Variants in ZFP41 observed in about 807,000 individuals in gnomAD.
ZFP41 encodes the protein zinc finger protein 41 homolog.
A neutral mutation model predicts 11.6 loss-of-function variants in ZFP41; 10 were observed. That is an observed-to-expected ratio of 0.86 (90% confidence interval 0.53 to 1.47). The LOEUF (loss-of-function observed/expected upper bound fraction) is 1.47. ZFP41 is among the 40% of genes most tolerant of loss of function. The probability of loss-of-function intolerance (pLI) is 0.00; values close to 1 mark genes in which losing one functional copy is unlikely to be tolerated. For synonymous variants in ZFP41, 123 were observed against 100.9 expected, an observed-to-expected ratio of 1.22 and a Z score of -1.31; for missense variants, 302 against 264.6, an observed-to-expected ratio of 1.14 and a Z score of -0.98.
intron 2 of ZFP41, chr8:143,252,714 G>A (rs1693613571): frequency 9.5e-6 from 8 of 843,508 alleles, no homozygotes; most frequent in South Asian, 1.1e-4. Flanking sequence ...ACTATTGGGC[G>A]TGTGCTGGGG....
At chr8:143,249,109 G>A (rs535186522) in intron 1 of ZFP41, 6 of 152,358 alleles carry the variant, frequency 3.9e-5, no homozygotes, top group African/African-American at 1.4e-4. Context: ...CAAAGGGTAC[G>A]GAATATTATT....
intron 2 of ZFP41, chr8:143,252,770 T>G: frequency 6.2e-6 from 2 of 323,004 alleles, no homozygotes; most frequent in Non-Finnish European, 8.9e-6. Context: ...GTCAGCCCAC[T>G]GCCGTCAGCA....
At chr8:143,252,584 T>G in intron 2 of ZFP41, 1 of 972,806 alleles carries the variant, frequency 1.0e-6, no homozygotes, top group African/African-American at 1.8e-5. Flanking sequence ...TCCTGCCGCC[T>G]CAGTCGCTGC....
At chr8:143,249,579 G>A (rs1306502707) in intron 1 of ZFP41, 111 bp from the exon 2 acceptor site, 7 of 405,896 alleles carry the variant, frequency 1.7e-5, no homozygotes, top group East Asian at 8.2e-5. Flanking sequence ...CAGCAATGCC[G>A]TTTGAGACAC....
At position 143,250,611 on chromosome 8, in the gene ZFP41, A is replaced by G. The variant is rs1428393214; in HGVS notation, c.*171A>G. 9.4e-7 allele frequency: 1 copy of G among 1,069,026 alleles called. No homozygotes were observed. Among genetic ancestry groups the G allele is most frequent in the East Asian group, 2.6e-5 (1 of 38,398 alleles). The allele number at this position is 1,069,026 out of a possible 1,614,324, so 66.2% of individuals were successfully genotyped here. On this transcript the variant is annotated 3_prime_UTR_variant, in exon 2 of 3. Transcript: ENST00000330701. ...AGTCAGATGTGGGAACGTGCCAGCG[A>G]GGGAGAGACCTTTCCACTGCAGAGA...
chr8:143,249,863 G>GAAAA lies in ZFP41; in HGVS notation c.23_26dup (p.Thr11GlufsTer29). The GAAAA allele has an allele frequency of 6.3e-7, 1 of 1,598,274 alleles. No homozygotes were observed. The highest frequency in any genetic ancestry group is 1.4e-5 in the African/African-American group (1 of 73,538). On this transcript the variant is annotated frameshift_variant, in exon 2 of 3. Coordinates refer to ENST00000330701, the MANE Select transcript of ZFP41 (RefSeq NM_173832.6). LOFTEE classifies it high-confidence loss of function. ...AGAATGATGGAGAAGCCTGCAGGCAGAAAAAAGAAGACGCCGACCCCAAGG... is the reference window on the plus strand; with the variant it reads ...AGAATGATGGAGAAGCCTGCAGGCAGAAAAAAAAAAGAAGACGCCGACCCCAAGG...
rs1419140158 is a variant in ZFP41 at position 143,260,489 on chromosome 8, G to C, written c.*1615G>C. Reference sequence around the variant, plus strand: ...CAGAAGTGTACTGGGGGAGACGTGAGGACCTTTCAGCCAAGTGTCAGCGTT... The same window carrying C: ...CAGAAGTGTACTGGGGGAGACGTGACGACCTTTCAGCCAAGTGTCAGCGTT... On this transcript the variant is annotated 3_prime_UTR_variant, in exon 3 of 3. Transcript: ENST00000330701. 6.2e-6 allele frequency: 1 copy of C among 160,696 alleles called. No individual in the cohort carries two copies. Among genetic ancestry groups the C allele is most frequent in the East Asian group, 1.9e-4 (1 of 5,238 alleles). The allele number at this position is 160,696 out of a possible 1,614,324, so 10.0% of individuals were successfully genotyped here.
In ZFP41 at chr8:143,260,645, C is replaced by A. The variant is rs1035237503; in HGVS notation, c.*1771C>A. ...TGACCAGCAGACACCATCCTTCCAG[C>A]CTCTCTTGGCCACCCGGACCAGCGG... On this transcript the variant is annotated 3_prime_UTR_variant, in exon 3 of 3. Coordinates refer to ENST00000330701, the MANE Select transcript of ZFP41 (RefSeq NM_173832.6). 11 of 186,882 alleles carry A rather than the reference C, an allele frequency of 5.9e-5. No homozygotes were observed. Among genetic ancestry groups the A allele is most frequent in the Admixed American group, 2.6e-4 (4 of 15,522 alleles). The allele number at this position is 186,882 out of a possible 1,614,324, so 11.6% of individuals were successfully genotyped here. A position where few individuals can be genotyped will look rare whatever the true frequency, so the allele number is the denominator to read the frequency against.
intron 2 of ZFP41, 43 bp from the exon 3 acceptor site, chr8:143,259,732 C>T (rs924801165): frequency 9.2e-5 from 14 of 152,250 alleles, no homozygotes; most frequent in African/African-American, 3.4e-4. Context: ...GGGTAATCAC[C>T]GCACTTCTCA....
intron 2 of ZFP41, chr8:143,252,678 C>G: frequency 1.0e-6 from 1 of 975,692 alleles, no homozygotes; most frequent in Non-Finnish European, 1.2e-6. Context: ...TGTCGTGTAC[C>G]TGCCTCTGTG....
rs573453594 is a variant in ZFP41, at chr8:143,260,586, G to T, written c.*1712G>T. On this transcript the variant is annotated 3_prime_UTR_variant, in exon 3 of 3. Coordinates refer to ENST00000330701, the MANE Select transcript of ZFP41 (RefSeq NM_173832.6). ...AGCATGGCGCACCCACACCAGCCCC[G>T]GGCTCCGCCTGGACAGCACCTCCTG... 5.8e-6 allele frequency: 1 copy of T among 170,976 alleles called. No individual in the cohort carries two copies. Among genetic ancestry groups the T allele is most frequent in the East Asian group, 1.9e-4 (1 of 5,284 alleles). 10.6% of individuals were successfully genotyped at this position (170,976 alleles called of 1,614,324 possible).
chr8:143,251,747 C>T (rs773740370), intron 2 of ZFP41, among the ~76,000 whole-genome samples: 1 of 152,196 alleles, frequency 6.6e-6, no homozygotes, highest in African/African-American at 2.4e-5. Context: ...ATTTTTCCTG[C>T]CGCGGTCTTT....
At position 143,250,123 on chromosome 8, in the gene ZFP41, C is replaced by T. The variant is rs375220496; in HGVS notation, c.280C>T (p.Arg94Trp). Reference protein sequence around the residue: ...KKPYECSECGRIFKHKTDHIR... With the variant: ...KKPYECSECGWIFKHKTDHIR... ...ACCCTATGAGTGCAGTGAGTGTGGG[C>T]GGATCTTTAAGCACAAGACAGACCA... Residue 94 changes from arginine to tryptophan, a missense_variant, in exon 2 of 3, where the codon CGG becomes TGG. Transcript: ENST00000330701. 44 of 1,613,968 alleles carry T rather than the reference C, an allele frequency of 2.7e-5. No individual in the cohort carries two copies. The highest frequency in any genetic ancestry group is 3.3e-4 in the Middle Eastern group (2 of 6,084).
chr8:143,250,183 C>A lies in ZFP41; in HGVS notation c.340C>A (p.Pro114Thr). The A allele has an allele frequency of 1.2e-6, 2 of 1,614,090 alleles. No homozygotes were observed. Among genetic ancestry groups the A allele is most frequent in the Non-Finnish European group, 1.7e-6 (2 of 1,180,034 alleles). The change falls in exon 2 of 3, where the codon CCC becomes ACC. Residue 114 changes from proline (P) to threonine (T), a missense_variant. By Grantham distance (38) the Pro-to-Thr change is conservative. Transcript: ENST00000330701. The stretch of plus-strand genomic sequence containing the variant: ...TCAGAGGGTCCACACTGGAGAGAAG[C>A]CCTTCAAGTGTGCGCAGTGCGGGAA... ...RHQRVHTGEK[P>T]FKCAQCGKAF... is the part of the protein sequence containing the mutation.
rs1459356320 is a variant in ZFP41, at chr8:143,261,532, C to T, written c.*2658C>T. 1 of 153,312 alleles carries T rather than the reference C, an allele frequency of 6.5e-6. No individual in the cohort carries two copies. Among genetic ancestry groups the T allele is most frequent in the Admixed American group, 6.5e-5 (1 of 15,292 alleles). The allele number at this position is 153,312 out of a possible 1,614,324, so 9.5% of individuals were successfully genotyped here. ...GCTTACAGAGCCTGGTGTTGGCACT[C>T]TCCTGGCTTCCTCCGCAAACCTAGC... On this transcript the variant is annotated 3_prime_UTR_variant, in exon 3 of 3. Coordinates refer to ENST00000330701, the MANE Select transcript of ZFP41 (RefSeq NM_173832.6).
At chr8:143,258,696 C>T (rs1257408942) in intron 2 of ZFP41, among the ~76,000 whole-genome samples, 6 of 152,022 alleles carry the variant, frequency 3.9e-5, no homozygotes, top group East Asian at 1.9e-4. Flanking sequence ...AACAACGCAG[C>T]GAGACCCCAT....
chr8:143,262,047 T>C lies in ZFP41; in HGVS notation c.*3173T>C. 1.3e-5 allele frequency: 1 copy of C among 76,004 alleles called. No individual in the cohort carries two copies. The highest frequency in any genetic ancestry group is 6.9e-5 in the African/African-American group (1 of 14,464). The allele number at this position is 76,004 out of a possible 1,614,324, so 4.7% of individuals were successfully genotyped here. A position where few individuals can be genotyped will look rare whatever the true frequency, so the allele number is the denominator to read the frequency against. On this transcript the variant is annotated 3_prime_UTR_variant, in exon 3 of 3. Coordinates refer to ENST00000330701, the MANE Select transcript of ZFP41 (RefSeq NM_173832.6). ...CCTGCACCCGCACCCCTCACGGCTGTCTCCGGCAGCCCCTGCCCGCGCCCG... is the reference window on the plus strand; with the variant it reads ...CCTGCACCCGCACCCCTCACGGCTGCCTCCGGCAGCCCCTGCCCGCGCCCG...
At position 143,249,975 on chromosome 8, in the gene ZFP41, G is replaced by T; in HGVS notation, c.132G>T (p.Arg44Ser). Residue 44 changes from arginine to serine, a missense_variant, in exon 2 of 3, where the codon AGG becomes AGT. Physicochemically the swap from Arg to Ser is moderately radical, Grantham distance 110. Transcript: ENST00000330701. ...RKPPERPTVP[R>S]KPRTEPCLSP... ...CACCTGAGAGGCCCACTGTGCCCAG[G>T]AAGCCCCGCACAGAGCCCTGCCTGA... 1 of 1,614,120 alleles carries T rather than the reference G, an allele frequency of 6.2e-7. No homozygotes were observed. The highest frequency in any genetic ancestry group is 8.5e-7 in the Non-Finnish European group (1 of 1,179,998).
intron 2 of ZFP41, among the ~76,000 whole-genome samples, chr8:143,254,636 T>C (rs1814864105): frequency 6.7e-6 from 1 of 149,022 alleles, no homozygotes; most frequent in African/African-American, 2.5e-5. Context: ...GTTACTTTTT[T>C]TTTTTTTTTT....
Sources: gnomAD v4.1 joint callset for allele counts (sites outside exome capture counted in the v4.1 genomes callset) on GRCh38, gnomAD v4.1.1 for gene constraint, MANE v1.5 for transcripts, NCBI Gene and HGNC (gene_info 2026-07-23, HGNC 2026-07-21) for gene names.